The following FGD4 variants were observed in gnomAD, a reference collection of about 807,000 sequenced individuals.
The protein encoded by FGD4 is FYVE, RhoGEF and PH domain-containing protein 4.
A neutral mutation model predicts 102.0 loss-of-function variants in FGD4; 42 were observed. The ratio of observed to expected loss-of-function variants is 0.41; its 90% CI spans 0.32 to 0.53. The LOEUF is 0.53. FGD4 is among the 20% of genes least tolerant of loss of function. FGD4 has a pLI of 0.21. For missense variants in FGD4, 902 were observed against 1,078.2 expected (o/e 0.84, Z 2.29); for synonymous variants, 380 against 375.7 (o/e 1.01, Z -0.13).
chr12:32,622,315 G>T (rs1208653936), intron 11 of FGD4, among the ~76,000 whole-genome samples: 1 of 152,136 alleles, frequency 6.6e-6, no homozygotes, highest in African/African-American at 2.4e-5. Context: ...TATTTCTCAG[G>T]TTTCTTAGTT....
At position 32,422,207 on chromosome 12, in the gene FGD4, G is replaced by A. The variant is rs1042223423; in HGVS notation, c.166+22248G>A. Reference sequence around the variant, plus strand: ...TGATGCTTGGAATATTGCTGTTACTGTTTTCCATCTCTTAATCTATTTCAT... The same window carrying A: ...TGATGCTTGGAATATTGCTGTTACTATTTTCCATCTCTTAATCTATTTCAT... On this transcript the variant is annotated intron_variant, in intron 1 of 16. Coordinates refer to ENST00000534526, the MANE Select transcript of FGD4 (RefSeq NM_001370298.3). Among the ~76,000 whole-genome samples, 3 of 141,986 alleles carry A rather than the reference G, an allele frequency of 2.1e-5. No homozygotes were observed. In the Admixed American group the frequency reaches 2.2e-4, roughly 10 times the overall value. 93.1% of individuals were successfully genotyped at this position (141,986 alleles called of 152,430 possible).
intron 1 of FGD4, among the ~76,000 whole-genome samples, chr12:32,453,220 A>ATATTTTTT (rs1391496111): frequency 3.8e-5 from 2 of 52,782 alleles, no homozygotes; most frequent in Non-Finnish European, 7.3e-5. Flanking sequence ...ATATATATAT[A>ATATTTTTT]ATATAGATAT....
At chr12:32,584,891 A>C (rs1460123416) in intron 4 of FGD4, among the ~76,000 whole-genome samples, 1 of 152,084 alleles carries the variant, frequency 6.6e-6, no homozygotes, top group Non-Finnish European at 1.5e-5. Context: ...CCAAATGCCC[A>C]TAGGAGTGGG....
intron 1 of FGD4, among the ~76,000 whole-genome samples, chr12:32,524,367 G>C (rs1940894652): frequency 7.3e-6 from 1 of 137,082 alleles, no homozygotes; most frequent in Non-Finnish European, 1.5e-5. Flanking sequence ...TTGCACTCCA[G>C]CCTGGGCGAC....
chr12:32,485,709 G>T (rs1335424387), intron 1 of FGD4: 1 of 328,866 alleles, frequency 3.0e-6, no homozygotes, highest in African/African-American at 2.2e-5. Context: ...CTCCCAGAGT[G>T]CTGGGATTAC....
chr12:32,490,785 G>A (rs1310315159), intron 1 of FGD4, among the ~76,000 whole-genome samples: 1 of 152,174 alleles, frequency 6.6e-6, no homozygotes, highest in African/African-American at 2.4e-5. Context: ...ATTGCTGGAT[G>A]GGAGCAGTAT....
intron 1 of FGD4, among the ~76,000 whole-genome samples, chr12:32,519,978 G>C (rs1375882387): frequency 3.3e-5 from 5 of 152,016 alleles, no homozygotes; most frequent in Non-Finnish European, 5.9e-5. Flanking sequence ...TCTTTGAATA[G>C]TTTTAGTATG....
intron 1 of FGD4, among the ~76,000 whole-genome samples, chr12:32,435,212 G>C (rs1284143932): frequency 3.9e-5 from 6 of 152,078 alleles, no homozygotes; most frequent in Non-Finnish European, 8.8e-5. Flanking sequence ...CAAAGTGCTG[G>C]GATTGATTAC....
chr12:32,449,445 C>T (rs184411133), intron 1 of FGD4, among the ~76,000 whole-genome samples: 33 of 152,238 alleles, frequency 2.2e-4, no homozygotes, highest in African/African-American at 6.5e-4. Flanking sequence ...CTTTTATGAC[C>T]CAGAGGTGAA....
At chr12:32,565,789 T>C (rs1241566506) in intron 2 of FGD4, among the ~76,000 whole-genome samples, 1 of 152,222 alleles carries the variant, frequency 6.6e-6, no homozygotes, top group East Asian at 1.9e-4. Flanking sequence ...TAAATACATA[T>C]TTACTTCCTA....
chr12:32,631,820 C>T (rs1185363553), intron 14 of FGD4, among the ~76,000 whole-genome samples: 2 of 151,964 alleles, frequency 1.3e-5, no homozygotes, highest in Admixed American at 6.6e-5. Context: ...GCTTTTTTAT[C>T]AGGGTAAGAC....
chr12:32,465,662 G>A (rs1224273470), intron 1 of FGD4, among the ~76,000 whole-genome samples: 1 of 149,756 alleles, frequency 6.7e-6, no homozygotes, highest in Admixed American at 6.7e-5. Flanking sequence ...GCAAGACAAC[G>A]TCTTAAAAAA....
At chr12:32,438,314 GA>G (rs1221554615) in intron 1 of FGD4, among the ~76,000 whole-genome samples, 16 of 152,188 alleles carry the variant, frequency 1.1e-4, no homozygotes, top group African/African-American at 3.9e-4. Flanking sequence ...GCGGACTTGG[GA>G]TAACAGTTAA....
At chr12:32,419,688 A>G (rs1941556526) in intron 1 of FGD4, among the ~76,000 whole-genome samples, 1 of 152,214 alleles carries the variant, frequency 6.6e-6, no homozygotes, top group Admixed American at 6.5e-5. Flanking sequence ...AAGACCACTT[A>G]GGGCCCCAGA....
chr12:32,470,578 C>G (rs1943391467), intron 1 of FGD4, among the ~76,000 whole-genome samples: 1 of 151,212 alleles, frequency 6.6e-6, no homozygotes, highest in Non-Finnish European at 1.5e-5. Context: ...TTCAGCCTCC[C>G]TAGTAGCTGG....
At chr12:32,518,458 A>G (rs1940137311) in intron 1 of FGD4, among the ~76,000 whole-genome samples, 1 of 152,222 alleles carries the variant, frequency 6.6e-6, no homozygotes, top group Non-Finnish European at 1.5e-5. Flanking sequence ...AGTCTGGGCA[A>G]CAAGAGTGAA....
At chr12:32,542,352 A>C (rs1381463195) in intron 1 of FGD4, among the ~76,000 whole-genome samples, 2 of 152,232 alleles carry the variant, frequency 1.3e-5, no homozygotes, top group East Asian at 3.8e-4. Flanking sequence ...AATTAATAGC[A>C]ACAATGTCAG....
At chr12:32,530,071 G>T (rs980314056) in intron 1 of FGD4, among the ~76,000 whole-genome samples, 2 of 152,062 alleles carry the variant, frequency 1.3e-5, no homozygotes, top group Admixed American at 1.3e-4. Context: ...TCCAGGAAGT[G>T]CAGGTTGCCT....
chr12:32,597,247 G>A (rs985100140), intron 4 of FGD4, among the ~76,000 whole-genome samples: 1 of 152,188 alleles, frequency 6.6e-6, no homozygotes, highest in African/African-American at 2.4e-5. Flanking sequence ...CAGATCATTT[G>A]ATAGCTATTG....
Sources: allele counts gnomAD v4.1 joint callset (sites outside exome capture counted in the v4.1 genomes callset), GRCh38; gene constraint gnomAD v4.1.1; transcripts MANE v1.5; gene names NCBI Gene and HGNC (gene_info 2026-07-23, HGNC 2026-07-21).